The following RBFOX2 variants were observed in gnomAD, a reference collection of about 807,000 sequenced individuals.
The protein encoded by RBFOX2 is RNA binding protein fox-1 homolog 2.
A neutral mutation model predicts 49.1 loss-of-function variants in RBFOX2; 10 were observed. That is an observed-to-expected ratio of 0.20 (90% CI 0.13 to 0.35). The LOEUF (loss-of-function observed/expected upper bound fraction) is 0.35. Among genes scored for constraint, RBFOX2 ranks in the 10% least tolerant of loss-of-function variants. The pLI is 1.00. For missense variants in RBFOX2, 323 were observed against 486.9 expected (o/e 0.66, Z 3.17); for synonymous variants, 183 against 187.4 (o/e 0.98, Z 0.19).
chr22:35,918,318 A>G (rs930412369), intron 1 of RBFOX2, among the ~76,000 whole-genome samples: 9 of 152,232 alleles, frequency 5.9e-5, no homozygotes, highest in Non-Finnish European at 8.8e-5. Context: ...TGGAGATTAA[A>G]TCAAGAAAGT....
intron 1 of RBFOX2, among the ~76,000 whole-genome samples, chr22:35,834,594 G>T (rs1347766258): frequency 6.6e-6 from 1 of 152,180 alleles, no homozygotes; most frequent in Non-Finnish European, 1.5e-5. Context: ...AAAGTTAAGG[G>T]AGAGGTCGCC....
chr22:35,741,376 G>A (rs1045974092), exon 12 of RBFOX2: 2 of 152,262 alleles, frequency 1.3e-5, no homozygotes, highest in African/African-American at 2.4e-5. Context: ...ACAAACTCAC[G>A]AAATGCCAGA....
At chr22:35,948,552 G>A (rs1267805727) in intron 1 of RBFOX2, among the ~76,000 whole-genome samples, 1 of 152,016 alleles carries the variant, frequency 6.6e-6, no homozygotes, top group African/African-American at 2.4e-5. Context: ...AGGTGTGGTG[G>A]TGCACACCTG....
chr22:35,837,986 G>A (rs1258393068), intron 1 of RBFOX2, among the ~76,000 whole-genome samples: 1 of 152,138 alleles, frequency 6.6e-6, no homozygotes, highest in Non-Finnish European at 1.5e-5. Flanking sequence ...AAGGGGAAAT[G>A]TTCCAAGAGG....
At chr22:35,791,143 G>T (rs62232590) in intron 2 of RBFOX2, among the ~76,000 whole-genome samples, 4,750 of 152,248 alleles carry the variant, frequency 0.031, 107 homozygotes, top group Non-Finnish European at 0.045. Context: ...CTAGCACTTT[G>T]GGAGGCCGAG....
At chr22:35,875,610 GTGTGT>G (rs762858756) in intron 1 of RBFOX2, among the ~76,000 whole-genome samples, 354 of 14,840 alleles carry the variant, frequency 0.024, 2 homozygotes, top group East Asian at 0.055. Context: ...TCACAAGGGT[GTGTGT>G]GTGTGTGTGT....
At chr22:35,798,168 T>C (rs974332967) in intron 2 of RBFOX2, among the ~76,000 whole-genome samples, 1 of 152,068 alleles carries the variant, frequency 6.6e-6, no homozygotes, top group Non-Finnish European at 1.5e-5. Flanking sequence ...AGAGGCAGGG[T>C]TTCACCATGT....
intron 1 of RBFOX2, among the ~76,000 whole-genome samples, chr22:35,839,280 T>C (rs1346444839): frequency 6.6e-6 from 1 of 152,230 alleles, no homozygotes. Flanking sequence ...AAAATTGCCT[T>C]GCCAGGGAGA....
chr22:35,927,604 CA>C (rs361700), intron 1 of RBFOX2, among the ~76,000 whole-genome samples: 492 of 49,170 alleles, frequency 0.01, no homozygotes, highest in African/African-American at 0.02. Flanking sequence ...AACTCCGTCT[CA>C]AAAAAAAAAA....
In RBFOX2 at chr22:35,889,087, G is replaced by A. The variant is rs188149730; in HGVS notation, c.-34+49760C>T. Among the ~76,000 whole-genome samples, 4 of 152,228 alleles carry A rather than the reference G, an allele frequency of 2.6e-5. No individual in the cohort carries two copies. The East Asian group carries it at 5.8e-4, about 22-fold the overall frequency. ...GGAGAATCGCTTGAATGCAGGAGGC[G>A]AAGGGTGCAGTGAGCCAAGATCATG... On this transcript the variant is annotated intron_variant, in intron 1 of 13. Coordinates refer to the RBFOX2 transcript ENST00000359369.
upstream of RBFOX2, among the ~76,000 whole-genome samples, chr22:35,941,833 G>A (rs2053719317): frequency 6.6e-6 from 1 of 152,128 alleles, no homozygotes; most frequent in Non-Finnish European, 1.5e-5. Context: ...CAGAGGAAAT[G>A]GATTTACTCC....
At chr22:35,828,259 G>C (rs543783213) in intron 1 of RBFOX2, among the ~76,000 whole-genome samples, 1 of 152,010 alleles carries the variant, frequency 6.6e-6, no homozygotes, top group Admixed American at 6.6e-5. Context: ...ACATTGTCTA[G>C]TAGGCAAGGA....
chr22:35,826,076 T>C (rs564496424), intron 1 of RBFOX2, among the ~76,000 whole-genome samples: 1 of 142,270 alleles, frequency 7.0e-6, no homozygotes, highest in East Asian at 2.1e-4. Context: ...GTGCAGCGGC[T>C]CACGCCTATA....
intron 1 of RBFOX2, among the ~76,000 whole-genome samples, chr22:35,916,055 A>G (rs1440994681): frequency 6.6e-6 from 1 of 152,198 alleles, no homozygotes; most frequent in Non-Finnish European, 1.5e-5. Context: ...AATCCTAGGG[A>G]ACATAAGTGA....
At chr22:35,984,263 G>A (rs1238316747) in intron 1 of RBFOX2, among the ~76,000 whole-genome samples, 2 of 152,132 alleles carry the variant, frequency 1.3e-5, no homozygotes, top group Admixed American at 6.5e-5. Context: ...GTAGGGTATG[G>A]CCTAAGCACT....
At chr22:35,829,672 AAGT>A (rs1327985426) in intron 1 of RBFOX2, among the ~76,000 whole-genome samples, 2 of 152,196 alleles carry the variant, frequency 1.3e-5, no homozygotes, top group Non-Finnish European at 2.9e-5. Context: ...AAGTTTTCAA[AAGT>A]AGTATGTAAA....
In RBFOX2 at chr22:35,967,350, C is replaced by A. The variant is rs528408244; in HGVS notation, c.187-28453G>T. Among the ~76,000 whole-genome samples the A allele has an allele frequency of 6.6e-5, 10 of 151,424 alleles. No individual in the cohort carries two copies. In the East Asian group the frequency reaches 1.9e-3, roughly 29 times the overall value. The stretch of plus-strand genomic sequence containing the variant: ...AGGAGGCTGTGCCACCGCACTCTAG[C>A]CTGGGCAACAGAGCGAGACCTTGTC... On this transcript the variant is annotated intron_variant, in intron 1 of 13. Coordinates refer to the RBFOX2 transcript ENST00000438146.
chr22:35,795,358 A>G (rs1948592405), intron 2 of RBFOX2, among the ~76,000 whole-genome samples: 1 of 152,096 alleles, frequency 6.6e-6, no homozygotes. Flanking sequence ...AATGACACCT[A>G]CACTGTGGGC....
At chr22:35,783,248 C>T (rs1203674547) in intron 2 of RBFOX2, among the ~76,000 whole-genome samples, 3 of 152,140 alleles carry the variant, frequency 2.0e-5, no homozygotes, top group Non-Finnish European at 4.4e-5. Context: ...GGGAGCTCTC[C>T]GTGGGCCACC....
Sources: allele counts gnomAD v4.1 joint callset (sites outside exome capture counted in the v4.1 genomes callset), GRCh38; gene constraint gnomAD v4.1.1; transcripts MANE v1.5; gene names NCBI Gene and HGNC (gene_info 2026-07-23, HGNC 2026-07-21).